PDE11A: variants seen among roughly 807,000 people sequenced by gnomAD.
The protein encoded by PDE11A is dual 3',5'-cyclic-AMP and -GMP phosphodiesterase 11A.
PDE11A carries 100 observed loss-of-function variants against 100.5 expected under a neutral mutation model. That is an observed-to-expected ratio of 1.00 (90% confidence interval 0.85 to 1.18). The LOEUF (loss-of-function observed/expected upper bound fraction) is 1.18. Ranked by LOEUF, PDE11A falls within the 50% of genes most tolerant of loss-of-function variation. PDE11A has a pLI of 0.00. For synonymous variants in PDE11A, 381 were observed against 420.8 expected (o/e 0.91, Z 1.16); for missense variants, 1,141 against 1,152.6 (o/e 0.99, Z 0.15).
intron 14 of PDE11A, among the ~76,000 whole-genome samples, chr2:177,699,615 G>A (rs2033760): frequency 0.65 from 98,277 of 152,140 alleles, 34,598 homozygotes; most frequent in East Asian, 0.84. Flanking sequence ...GAGGTGGTGA[G>A]TGTGGTGTTA....
chr2:178,104,794 G>C (rs193001224), intron 1 of PDE11A, among the ~76,000 whole-genome samples: 6 of 152,058 alleles, frequency 3.9e-5, no homozygotes, highest in African/African-American at 7.2e-5. Context: ...ATTTATCCAG[G>C]TCAATTATAT....
intron 15 of PDE11A, among the ~76,000 whole-genome samples, chr2:177,690,632 T>C (rs1274193693): frequency 6.6e-6 from 1 of 152,236 alleles, no homozygotes; most frequent in Non-Finnish European, 1.5e-5. Flanking sequence ...TGCTATTTAC[T>C]GCATCCCTTT....
chr2:177,756,154 G>A (rs1034827044), intron 10 of PDE11A, among the ~76,000 whole-genome samples: 7 of 152,186 alleles, frequency 4.6e-5, no homozygotes, highest in Non-Finnish European at 8.8e-5. Context: ...CCTGTTGGGA[G>A]AGAAGCTTGT....
chr2:178,081,291 T>G (rs1421987172), intron 2 of PDE11A, among the ~76,000 whole-genome samples: 2 of 152,202 alleles, frequency 1.3e-5, no homozygotes, highest in Non-Finnish European at 2.9e-5. Flanking sequence ...AACCTGCTTT[T>G]TAATGAGACT....
intron 19 of PDE11A, among the ~76,000 whole-genome samples, chr2:177,631,512 AATATATATATATATATATATAT>A (rs1180694998): frequency 1.9e-4 from 2 of 10,784 alleles, no homozygotes; most frequent in South Asian, 0.012. Flanking sequence ...AAAAAAAAAA[AATATATATATATATATATATAT>A]ATATATATAT....
chr2:177,709,450 G>A (rs888122978), intron 13 of PDE11A, among the ~76,000 whole-genome samples: 2 of 152,180 alleles, frequency 1.3e-5, no homozygotes, highest in South Asian at 2.1e-4. Flanking sequence ...ATTCCTTGGG[G>A]TAGAGAATAC....
intron 5 of PDE11A, among the ~76,000 whole-genome samples, chr2:177,869,719 A>G: frequency 6.6e-6 from 1 of 152,178 alleles, no homozygotes; most frequent in East Asian, 1.9e-4. Context: ...TCCCACACTT[A>G]GTTTGATATT....
intron 1 of PDE11A, among the ~76,000 whole-genome samples, chr2:178,058,733 C>A (rs1404292106): frequency 6.6e-6 from 1 of 152,142 alleles, no homozygotes; most frequent in Non-Finnish European, 1.5e-5. Flanking sequence ...CCAAGAAAAT[C>A]ATAGCATCTG....
chr2:178,103,386 C>T (rs183261362), intron 2 of PDE11A, among the ~76,000 whole-genome samples: 88 of 152,056 alleles, frequency 5.8e-4, no homozygotes, highest in African/African-American at 1.9e-3. Flanking sequence ...GAGTGATTAC[C>T]TAATGGATGC....
intron 2 of PDE11A, among the ~76,000 whole-genome samples, chr2:178,098,328 T>C (rs759142270): frequency 1.5e-4 from 23 of 152,156 alleles, no homozygotes; most frequent in Non-Finnish European, 2.8e-4. Flanking sequence ...ATGAAGATAA[T>C]ATGGTAAAAT....
At chr2:177,847,337 CT>C (rs2083617571) in intron 5 of PDE11A, among the ~76,000 whole-genome samples, 1 of 152,146 alleles carries the variant, frequency 6.6e-6, no homozygotes, top group Non-Finnish European at 1.5e-5. Context: ...TATTAACCAA[CT>C]TTCTTGAGTC....
chr2:177,735,889 C>G (rs2081772013), intron 10 of PDE11A, among the ~76,000 whole-genome samples: 1 of 152,208 alleles, frequency 6.6e-6, no homozygotes, highest in Non-Finnish European at 1.5e-5. Context: ...TCTCTATGGC[C>G]AAACCTCCCA....
At chr2:177,962,864 AT>A (rs1348713641) in intron 2 of PDE11A, among the ~76,000 whole-genome samples, 1 of 152,190 alleles carries the variant, frequency 6.6e-6, no homozygotes, top group Non-Finnish European at 1.5e-5. Flanking sequence ...CTCAAAAAAA[AT>A]CTCATAAATT....
At chr2:177,823,990 A>G (rs1391971469) in intron 6 of PDE11A, among the ~76,000 whole-genome samples, 1 of 152,196 alleles carries the variant, frequency 6.6e-6, no homozygotes, top group Non-Finnish European at 1.5e-5. Context: ...AAGAAAGACA[A>G]TTTAGAAGCT....
intron 13 of PDE11A, among the ~76,000 whole-genome samples, chr2:177,705,866 G>A (rs2081270532): frequency 6.6e-6 from 1 of 152,318 alleles, no homozygotes; most frequent in East Asian, 1.9e-4. Context: ...ATGAGTATAA[G>A]AGATTATGCT....
At chr2:177,727,632 C>A (rs2081617969) in intron 12 of PDE11A, 26 bp downstream of exon 12, 1 of 1,284,500 alleles carries the variant, frequency 7.8e-7, no homozygotes, top group Non-Finnish European at 1.1e-6. Flanking sequence ...GAGAAATGAT[C>A]TTCCACCATC....
intron 2 of PDE11A, among the ~76,000 whole-genome samples, chr2:178,005,158 G>C (rs1180888461): frequency 2.0e-5 from 3 of 151,072 alleles, no homozygotes; most frequent in African/African-American, 4.9e-5. Flanking sequence ...TGGAGTAAAG[G>C]GGAAAAAAAG....
intron 2 of PDE11A, among the ~76,000 whole-genome samples, chr2:177,917,724 G>A (rs1204702583): frequency 1.3e-5 from 2 of 151,978 alleles, no homozygotes; most frequent in East Asian, 3.9e-4. Flanking sequence ...AAAATAATAA[G>A]GAAATATAAA....
chr2:177,927,952 A>G (rs2085152571), intron 2 of PDE11A, among the ~76,000 whole-genome samples: 2 of 152,018 alleles, frequency 1.3e-5, no homozygotes, highest in South Asian at 4.2e-4. Flanking sequence ...TAAAAATACA[A>G]AATTAGCCAG....
Sources: allele counts gnomAD v4.1 joint callset (sites outside exome capture counted in the v4.1 genomes callset), GRCh38; gene constraint gnomAD v4.1.1; transcripts MANE v1.5; gene names NCBI Gene and HGNC (gene_info 2026-07-23, HGNC 2026-07-21).